The following NRXN3 variants were observed in gnomAD, a reference collection of about 807,000 sequenced individuals.
NRXN3 encodes neurexin 3, also known as neurexin III.
In NRXN3, 32 loss-of-function variants were observed where a neutral mutation model predicts 137.6. The observed-to-expected ratio is 0.23, with a 90% CI of 0.18 to 0.31. The LOEUF (loss-of-function observed/expected upper bound fraction) is 0.31. NRXN3 is among the 10% of genes least tolerant of loss of function. The pLI is 1.00. For missense variants in NRXN3, 1,574 were observed against 2,062.5 expected (o/e 0.76, Z 4.59); for synonymous variants, 798 against 784.5 (o/e 1.02, Z -0.29).
intron 15 of NRXN3, among the ~76,000 whole-genome samples, chr14:79,429,567 T>C (rs2095712220): frequency 6.6e-6 from 1 of 152,204 alleles, no homozygotes; most frequent in South Asian, 2.1e-4. Flanking sequence ...TAACTCTTGT[T>C]ATTAAACTGG....
At chr14:79,508,468 C>A (rs2096901190) in intron 16 of NRXN3, among the ~76,000 whole-genome samples, 1 of 138,624 alleles carries the variant, frequency 7.2e-6, no homozygotes, top group South Asian at 2.4e-4. Context: ...TGGCTCACTG[C>A]AACCTTCATC....
At chr14:78,798,720 A>G (rs2098829878) in intron 8 of NRXN3, among the ~76,000 whole-genome samples, 1 of 152,192 alleles carries the variant, frequency 6.6e-6, no homozygotes, top group Non-Finnish European at 1.5e-5. Flanking sequence ...ACATCCAGGC[A>G]TTTCCATACA....
intron 8 of NRXN3, among the ~76,000 whole-genome samples, chr14:78,727,746 T>C (rs2098493010): frequency 6.6e-6 from 1 of 151,940 alleles, no homozygotes; most frequent in Non-Finnish European, 1.5e-5. Flanking sequence ...CAAAAAAAAA[T>C]GCTGTGGGCC....
intron 15 of NRXN3, among the ~76,000 whole-genome samples, chr14:79,136,036 A>C (rs2058188826): frequency 6.6e-6 from 1 of 152,174 alleles, no homozygotes; most frequent in Non-Finnish European, 1.5e-5. Context: ...CCAAGGGTAC[A>C]CTCACCAACT....
At chr14:79,280,229 C>T in intron 15 of NRXN3, 1 of 1,598,272 alleles carries the variant, frequency 6.3e-7, no homozygotes, top group East Asian at 2.2e-5. Context: ...GCATCATGAA[C>T]TTCATTACTC....
At chr14:78,347,180 T>C (rs214024) in intron 4 of NRXN3, among the ~76,000 whole-genome samples, 121,547 of 152,170 alleles carry the variant, frequency 0.8, 49,791 homozygotes, top group Non-Finnish European at 0.89. Flanking sequence ...TCCCTGATTG[T>C]AGCTTCTGTA....
chr14:79,166,654 T>C (rs750975493), intron 15 of NRXN3, among the ~76,000 whole-genome samples: 2 of 151,678 alleles, frequency 1.3e-5, no homozygotes, highest in Non-Finnish European at 2.9e-5. Context: ...AAGATGGGCA[T>C]TGGCAGGGTT....
intron 4 of NRXN3, among the ~76,000 whole-genome samples, chr14:78,581,135 C>T (rs2096990798): frequency 6.6e-6 from 1 of 152,160 alleles, no homozygotes; most frequent in African/African-American, 2.4e-5. Context: ...AGCTACTTGA[C>T]CAAAATCACA....
chr14:79,332,845 A>G (rs1259450505), intron 15 of NRXN3, among the ~76,000 whole-genome samples: 1 of 152,202 alleles, frequency 6.6e-6, no homozygotes, highest in African/African-American at 2.4e-5. Flanking sequence ...TTGACTAGAA[A>G]AATGATTCGT....
intron 11 of NRXN3, among the ~76,000 whole-genome samples, chr14:78,959,732 G>A (rs31426): frequency 0.26 from 40,087 of 152,044 alleles, 5,956 homozygotes; most frequent in East Asian, 0.46. Flanking sequence ...TTTAGCGCCC[G>A]CAGCCAACCT....
chr14:79,459,206 A>G (rs78397600), intron 15 of NRXN3, among the ~76,000 whole-genome samples: 5,071 of 152,136 alleles, frequency 0.033, 282 homozygotes, highest in African/African-American at 0.12. Flanking sequence ...TAAAACCAAG[A>G]TAGTAACTGT....
At chr14:79,594,986 A>G (rs2097846714) in intron 16 of NRXN3, among the ~76,000 whole-genome samples, 1 of 152,184 alleles carries the variant, frequency 6.6e-6, no homozygotes, top group Non-Finnish European at 1.5e-5. Flanking sequence ...TTGACACTTG[A>G]ATCAATTTTT....
At chr14:79,138,480 G>A (rs2058471347) in intron 15 of NRXN3, among the ~76,000 whole-genome samples, 2 of 152,188 alleles carry the variant, frequency 1.3e-5, no homozygotes, top group African/African-American at 2.4e-5. Context: ...GTTCTGAAAG[G>A]CACTAGAATC....
intron 1 of NRXN3, among the ~76,000 whole-genome samples, chr14:78,234,314 G>A (rs1250468508): frequency 6.6e-6 from 1 of 152,234 alleles, no homozygotes; most frequent in African/African-American, 2.4e-5. Context: ...AAGGACAACA[G>A]TGGACAGCAA....
At chr14:78,848,465 G>A (rs1035099356) in intron 10 of NRXN3, among the ~76,000 whole-genome samples, 2 of 152,094 alleles carry the variant, frequency 1.3e-5, no homozygotes, top group African/African-American at 4.8e-5. Flanking sequence ...CACCTGCTAA[G>A]CCAATGAGCC....
intron 10 of NRXN3, among the ~76,000 whole-genome samples, chr14:78,953,534 A>G (rs1180952915): frequency 6.6e-6 from 1 of 152,198 alleles, no homozygotes; most frequent in Non-Finnish European, 1.5e-5. Context: ...GGGTGGTATT[A>G]TTACCCAAGG....
intron 2 of NRXN3, among the ~76,000 whole-genome samples, chr14:78,264,579 G>A (rs1039298278): frequency 6.6e-6 from 1 of 152,042 alleles, no homozygotes; most frequent in African/African-American, 2.4e-5. Flanking sequence ...GTGCTGTTGG[G>A]AGCAGACATC....
In NRXN3 at chr14:78,406,862, G is replaced by A. The variant is rs374942619; in HGVS notation, c.757+109002G>A. On this transcript the variant is annotated intron_variant, in intron 4 of 20. Coordinates refer to ENST00000335750, the MANE Select transcript of NRXN3 (RefSeq NM_001330195.2). ...GAACTGGTAGGGTCAGATCATGTCA[G>A]TGGAAATGATCCCAAGATTCCCTGA... Among the ~76,000 whole-genome samples the A allele has an allele frequency of 5.3e-5, 8 of 152,286 alleles. No homozygotes were observed. In the East Asian group the frequency reaches 9.7e-4, roughly 18 times the overall value.
At chr14:79,629,263 T>C (rs1335740386) in intron 16 of NRXN3, among the ~76,000 whole-genome samples, 1 of 152,158 alleles carries the variant, frequency 6.6e-6, no homozygotes, top group Non-Finnish European at 1.5e-5. Flanking sequence ...CCATATATAA[T>C]TCCGAAATGA....
Sources: gnomAD v4.1 joint callset for allele counts (sites outside exome capture counted in the v4.1 genomes callset) on GRCh38, gnomAD v4.1.1 for gene constraint, MANE v1.5 for transcripts, NCBI Gene and HGNC (gene_info 2026-07-23, HGNC 2026-07-21) for gene names.